DCK: variants seen among roughly 807,000 people sequenced by gnomAD.
The protein encoded by DCK is deoxyadenosine kinase.
A neutral mutation model predicts 38.3 loss-of-function variants in DCK; 23 were observed. The ratio of observed to expected loss-of-function variants is 0.60; its 90% CI spans 0.43 to 0.85. The LOEUF (loss-of-function observed/expected upper bound fraction) is 0.85. Ranked by LOEUF, DCK falls within the 40% of genes least tolerant of loss-of-function variation. DCK has a pLI of 0.00. For synonymous variants in DCK, 108 were observed against 100.6 expected (o/e 1.07, Z -0.44); for missense variants, 259 against 304.4 (o/e 0.85, Z 1.11).
At chr4:71,003,486 G>C (rs1367507812) in intron 2 of DCK, among the ~76,000 whole-genome samples, 1 of 152,114 alleles carries the variant, frequency 6.6e-6, no homozygotes, top group Non-Finnish European at 1.5e-5. Flanking sequence ...GTATTTCCTG[G>C]ATTTGAATGT....
chr4:70,997,694 G>A (rs1739691407), intron 1 of DCK, among the ~76,000 whole-genome samples: 1 of 152,150 alleles, frequency 6.6e-6, no homozygotes, highest in Non-Finnish European at 1.5e-5. Context: ...CTGTGTGTGT[G>A]TGCACGCACA....
intron 2 of DCK, among the ~76,000 whole-genome samples, chr4:71,018,557 G>C (rs192391733): frequency 2.0e-5 from 3 of 151,578 alleles, no homozygotes; most frequent in African/African-American, 7.3e-5. Context: ...TGTATTTAAT[G>C]TAGTTTCACT....
Position 71,025,820 on chromosome 4 carries a change from G to T in DCK, c.554G>T (p.Cys185Phe). Residue 185 changes from cysteine (C) to phenylalanine (F), a missense_variant, in exon 5 of 7, where the codon TGC (cysteine) becomes TTC (phenylalanine). Cys to Phe is a radical substitution (Grantham distance 205). This residue lies in a region of DCK where 82 missense variants were observed against 103.8 expected (regional missense o/e 0.79). Transcript: ENST00000286648. Reference protein sequence around the residue: ...IIYLQATPETCLHRIYLRGRN... With the variant: ...IIYLQATPETFLHRIYLRGRN... ...TCTCTTATTACTTGCTTTTAGACAT[G>T]CTTACATAGAATATATTTACGGGGA... is the stretch of plus-strand genomic sequence containing the variant. 6.2e-7 allele frequency: 1 copy of T among 1,605,950 alleles called. No individual in the cohort carries two copies. Among genetic ancestry groups the T allele is most frequent in the Non-Finnish European group, 8.5e-7 (1 of 1,176,992 alleles).
intron 2 of DCK, among the ~76,000 whole-genome samples, chr4:71,012,965 C>G (rs934193404): frequency 1.3e-5 from 2 of 152,006 alleles, no homozygotes; most frequent in Non-Finnish European, 2.9e-5. Flanking sequence ...CAAACTTCTC[C>G]GAGCTAAAGG....
Position 71,014,886 on chromosome 4 carries a change from C to A in DCK, c.208-7481C>A, listed in dbSNP as rs543242336. On this transcript the variant is annotated intron_variant, in intron 2 of 6. Transcript: ENST00000286648. The stretch of plus-strand genomic sequence containing the variant: ...CTAGAGAAGCAAGAGTAAACACATT[C>A]CAAAGCTAGCAGAAGGCAAGAAATA... 2.9e-4 allele frequency among the ~76,000 whole-genome samples: 44 copies of A among 152,236 alleles called. No individual in the cohort carries two copies. The East Asian group carries it at 7.3e-3, about 25-fold the overall frequency.
At chr4:71,013,601 T>C (rs1030413472) in intron 2 of DCK, among the ~76,000 whole-genome samples, 1 of 152,146 alleles carries the variant, frequency 6.6e-6, no homozygotes, top group Admixed American at 6.5e-5. Context: ...TGGGGGCCAA[T>C]ATTCAACATT....
chr4:71,014,366 A>G (rs1455735770), intron 2 of DCK, among the ~76,000 whole-genome samples: 1 of 152,232 alleles, frequency 6.6e-6, no homozygotes, highest in Non-Finnish European at 1.5e-5. Flanking sequence ...TGAACGAGAC[A>G]GAAAGTTAAC....
In DCK at chr4:71,030,421, A is replaced by G. The variant is rs1474001129; in HGVS notation, c.*1043A>G. 6.6e-6 allele frequency: 1 copy of G among 152,086 alleles called. No individual in the cohort carries two copies. Among genetic ancestry groups the G allele is most frequent in the Non-Finnish European group, 1.5e-5 (1 of 67,966 alleles). 9.4% of individuals were successfully genotyped at this position (152,086 alleles called of 1,614,324 possible). On this transcript the variant is annotated 3_prime_UTR_variant, in exon 7 of 7. Coordinates refer to ENST00000286648, the MANE Select transcript of DCK (RefSeq NM_000788.3). ...AGGGGAAGAGTCATTTTCACTTTTA[A>G]ACTACTATTTTTCTTTCCAAGTCAT... is the stretch of plus-strand genomic sequence containing the variant.
chr4:71,006,502 A>C (rs1236921216), intron 2 of DCK, among the ~76,000 whole-genome samples: 2 of 151,778 alleles, frequency 1.3e-5, no homozygotes, highest in Non-Finnish European at 2.9e-5. Flanking sequence ...CAGCAAGTTT[A>C]TTAGGAAAGT....
intron 6 of DCK, among the ~76,000 whole-genome samples, chr4:71,027,418 C>T (rs1313375948): frequency 6.6e-6 from 1 of 151,854 alleles, no homozygotes; most frequent in African/African-American, 2.4e-5. Context: ...GAGTGGTGCC[C>T]ATATTGATAA....
chr4:71,007,105 G>A (rs1284962662), intron 2 of DCK, among the ~76,000 whole-genome samples: 1 of 152,052 alleles, frequency 6.6e-6, no homozygotes, highest in Non-Finnish European at 1.5e-5. Flanking sequence ...TAGACCTAGG[G>A]CCTAATTCAG....
At chr4:71,013,992 G>A (rs1444798077) in intron 2 of DCK, among the ~76,000 whole-genome samples, 1 of 152,110 alleles carries the variant, frequency 6.6e-6, no homozygotes, top group African/African-American at 2.4e-5. Context: ...AAAGACTCAA[G>A]ACCCATCAGT....
chr4:71,000,704 T>C (rs973076271), intron 2 of DCK, among the ~76,000 whole-genome samples: 42 of 152,360 alleles, frequency 2.8e-4, no homozygotes, highest in African/African-American at 9.6e-4. Context: ...CCTTGAGCAG[T>C]GGTTTGTAGT....
At chr4:71,004,350 C>T (rs1471296844) in intron 2 of DCK, among the ~76,000 whole-genome samples, 1 of 152,166 alleles carries the variant, frequency 6.6e-6, no homozygotes, top group Non-Finnish European at 1.5e-5. Context: ...CAGAGGGGCA[C>T]CTGCCAGAGG....
At position 71,011,446 on chromosome 4, in the gene DCK, T is replaced by C. The variant is rs182050870; in HGVS notation, c.208-10921T>C. ...ACCTCAGCCCACTGCAGCCTCCGCC[T>C]CCTGGGCTCAAGTGATCCTCCCACC... On this transcript the variant is annotated intron_variant, in intron 2 of 6. Transcript: ENST00000286648. 3.2e-4 allele frequency among the ~76,000 whole-genome samples: 49 copies of C among 152,196 alleles called. No homozygotes were observed. In the East Asian group the frequency reaches 5.2e-3, roughly 16 times the overall value.
intron 2 of DCK, among the ~76,000 whole-genome samples, chr4:71,002,166 TTA>T (rs1174140235): frequency 1.3e-5 from 2 of 152,220 alleles, no homozygotes; most frequent in Non-Finnish European, 2.9e-5. Context: ...TTGTGGTACG[TTA>T]TGTCTTTGTT....
intron 4 of DCK, among the ~76,000 whole-genome samples, chr4:71,025,342 G>A (rs1209619154): frequency 6.6e-6 from 1 of 152,014 alleles, no homozygotes; most frequent in African/African-American, 2.4e-5. Context: ...TATAGGACAG[G>A]CATAAAACAT....
Position 70,998,120 on chromosome 4 carries a change from G to C in DCK, c.145G>C (p.Glu49Gln). 6.2e-7 allele frequency: 1 copy of C among 1,609,340 alleles called. No individual in the cohort carries two copies. The highest frequency in any genetic ancestry group is 8.5e-7 in the Non-Finnish European group (1 of 1,176,922). The change falls in exon 2 of 7, where the codon GAA becomes CAA. Residue 49 changes from glutamate to glutamine, a missense_variant. Glu to Gln is a conservative substitution (Grantham distance 29). Transcript: ENST00000286648. ...CCTTAAACAATTGTGTGAAGATTGG[G>C]AAGTGGTTCCTGAACCTGTTGCCAG... is the stretch of plus-strand genomic sequence containing the variant. ...NILKQLCEDW[E>Q]VVPEPVARWC...
intron 2 of DCK, among the ~76,000 whole-genome samples, chr4:71,012,346 C>T (rs185437535): frequency 3.3e-5 from 5 of 152,366 alleles, no homozygotes; most frequent in African/African-American, 9.6e-5. Context: ...GGGGGCAGGG[C>T]ATAGCTGAAC....
Sources: gnomAD v4.1 joint callset for allele counts (sites outside exome capture counted in the v4.1 genomes callset) on GRCh38, gnomAD v4.1.1 for gene constraint, gnomAD v4.1.1 regional missense constraint, MANE v1.5 for transcripts, NCBI Gene and HGNC (gene_info 2026-07-23, HGNC 2026-07-21) for gene names.